The following USP34 variants were observed in gnomAD, a reference collection of about 807,000 sequenced individuals.
USP34 encodes the protein ubiquitin carboxyl-terminal hydrolase 34.
A neutral mutation model predicts 460.3 loss-of-function variants in USP34; 70 were observed. The ratio of observed to expected loss-of-function variants is 0.15; its 90% CI spans 0.13 to 0.19. The LOEUF (loss-of-function observed/expected upper bound fraction) is 0.19, where lower values mean the gene tolerates loss of function less well. USP34 is among the 10% of genes least tolerant of loss of function. USP34 has a pLI of 1.00. For synonymous variants in USP34, 1,647 were observed against 1,405.3 expected, an observed-to-expected ratio of 1.17 and a Z score of -3.85; for missense variants, 3,985 against 4,236.2, an observed-to-expected ratio of 0.94 and a Z score of 1.65.
chr2:61,222,107 C>A (rs1480868204), intron 65 of USP34, among the ~76,000 whole-genome samples: 3 of 152,082 alleles, frequency 2.0e-5, no homozygotes, highest in African/African-American at 7.2e-5. Flanking sequence ...TGTCCCCAAC[C>A]CCAAAAATAA....
intron 69 of USP34, among the ~76,000 whole-genome samples, chr2:61,210,392 T>C (rs1687240630): frequency 6.6e-6 from 1 of 152,222 alleles, no homozygotes; most frequent in Non-Finnish European, 1.5e-5. Flanking sequence ...GCCTACAGTA[T>C]TCAGTGTAGT....
At chr2:61,223,417 TG>T in intron 62 of USP34, 121 bp from the exon 63 acceptor site, 1 of 1,018,714 alleles carries the variant, frequency 9.8e-7, no homozygotes, top group South Asian at 1.7e-5. Context: ...CATCATAAAA[TG>T]ATTTTTTGCT....
At chr2:61,190,708 ACT>A (rs1217058807) in intron 76 of USP34, 50 bp from the exon 77 acceptor site, 1 of 1,558,200 alleles carries the variant, frequency 6.4e-7, no homozygotes, top group Non-Finnish European at 8.6e-7. Context: ...CACGGAAAAA[ACT>A]TACACGGAAA....
intron 1 of USP34, among the ~76,000 whole-genome samples, chr2:61,448,233 G>C (rs928115412): frequency 6.6e-6 from 1 of 152,194 alleles, no homozygotes; most frequent in Non-Finnish European, 1.5e-5. Context: ...CAGTACTTTG[G>C]GCGGCCAAGG....
chr2:61,299,383 T>A (rs1690148990), intron 29 of USP34, among the ~76,000 whole-genome samples: 1 of 152,156 alleles, frequency 6.6e-6, no homozygotes, highest in African/African-American at 2.4e-5. Context: ...ATAAGCCCAT[T>A]TAAAGGCATT....
intron 3 of USP34, among the ~76,000 whole-genome samples, chr2:61,404,874 C>T (rs1693822607): frequency 6.6e-6 from 1 of 152,120 alleles, no homozygotes; most frequent in South Asian, 2.1e-4. Context: ...TTACTACATA[C>T]TTAGAAATGC....
In USP34 at chr2:61,406,114, C is replaced by T. The variant is rs764492385; in HGVS notation, c.146G>A (p.Cys49Tyr). The T allele has an allele frequency of 1.3e-6, 2 of 1,594,500 alleles. No individual in the cohort carries two copies. The highest frequency in any genetic ancestry group is 2.2e-5 in the East Asian group (1 of 44,668). ...NSWTQRQCLC[C>Y]FKEYKHLEIF... is the part of the protein sequence containing the mutation. Reference sequence around the variant, plus strand: ...CTCCAAATGCTTATATTCCTTGAAGCAGCATAGACATTGCCTATAAGAGAA... The same window carrying T: ...CTCCAAATGCTTATATTCCTTGAAGTAGCATAGACATTGCCTATAAGAGAA... Residue 49 changes from cysteine to tyrosine, a missense_variant, in exon 3 of 80, where the codon TGC becomes TAC. Transcript: ENST00000398571.
At chr2:61,335,583 C>CA (rs1166020289) in intron 18 of USP34, among the ~76,000 whole-genome samples, 3 of 151,904 alleles carry the variant, frequency 2.0e-5, no homozygotes, top group Non-Finnish European at 4.4e-5. Context: ...CCGGTCTCCA[C>CA]AAAAAAATAC....
At chr2:61,288,960 A>C in intron 33 of USP34, 83 bp from the exon 34 acceptor site, 1 of 1,390,334 alleles carries the variant, frequency 7.2e-7, no homozygotes, top group Non-Finnish European at 9.9e-7. Flanking sequence ...AAAAGACCAG[A>C]AAATAAAAAT....
At chr2:61,293,668 C>A in intron 32 of USP34, 118 bp from the exon 33 acceptor site, 1 of 654,148 alleles carries the variant, frequency 1.5e-6, no homozygotes, top group Non-Finnish European at 2.5e-6. Context: ...CACTACTATT[C>A]ATTTAAATTA....
chr2:61,270,539 G>T (rs1236686252), intron 41 of USP34, among the ~76,000 whole-genome samples: 1 of 152,196 alleles, frequency 6.6e-6, no homozygotes, highest in Non-Finnish European at 1.5e-5. Context: ...TGGTTCAAGG[G>T]ATTCTCGTGC....
At chr2:61,441,802 C>CAAAAAAAAAAAAAA (rs70963429) in intron 1 of USP34, among the ~76,000 whole-genome samples, 5 of 97,334 alleles carry the variant, frequency 5.1e-5, no homozygotes, top group African/African-American at 1.6e-4. Flanking sequence ...GACTGCATTA[C>CAAAAAAAAAAAAAA]AAAAAAAAAA....
chr2:61,319,377 T>A (rs1690844420), intron 21 of USP34, 50 bp from the exon 22 acceptor site: 2 of 1,368,878 alleles, frequency 1.5e-6, no homozygotes, highest in Non-Finnish European at 1.9e-6. Context: ...TACAAAAAAA[T>A]TAAACTTCTC....
At chr2:61,338,104 C>G (rs943161066) in intron 18 of USP34, among the ~76,000 whole-genome samples, 1 of 152,124 alleles carries the variant, frequency 6.6e-6, no homozygotes, top group African/African-American at 2.4e-5. Context: ...GGAGGATCAC[C>G]TGAGGTGAGG....
intron 58 of USP34, among the ~76,000 whole-genome samples, chr2:61,230,539 C>G (rs1193034578): frequency 6.6e-6 from 1 of 151,802 alleles, no homozygotes; most frequent in Non-Finnish European, 1.5e-5. Flanking sequence ...CAACACCAAC[C>G]AACCAACCAA....
chr2:61,429,845 T>C (rs1418294349), intron 1 of USP34, among the ~76,000 whole-genome samples: 1 of 149,408 alleles, frequency 6.7e-6, no homozygotes, highest in Admixed American at 6.7e-5. Context: ...GCAGATCACC[T>C]GAGGTCAGGA....
chr2:61,331,556 A>C (rs560778046), intron 19 of USP34, among the ~76,000 whole-genome samples, 185 bp from the exon 20 acceptor site: 2 of 152,166 alleles, frequency 1.3e-5, no homozygotes, highest in East Asian at 3.9e-4. Flanking sequence ...CTTCATTTTT[A>C]TGAATTTAAA....
intron 44 of USP34, among the ~76,000 whole-genome samples, chr2:61,258,948 T>C (rs1463348707): frequency 6.6e-6 from 1 of 152,108 alleles, no homozygotes; most frequent in Non-Finnish European, 1.5e-5. Flanking sequence ...GAAGTTATTA[T>C]GACAAATAAC....
chr2:61,353,377 G>T (rs1049756636), intron 10 of USP34, among the ~76,000 whole-genome samples: 10 of 150,502 alleles, frequency 6.6e-5, no homozygotes, highest in Middle Eastern at 3.3e-3. Flanking sequence ...TCCACCTGTT[G>T]CACTTCCTAG....
Sources: gnomAD v4.1 joint callset for allele counts (sites outside exome capture counted in the v4.1 genomes callset) on GRCh38, gnomAD v4.1.1 for gene constraint, MANE v1.5 for transcripts, NCBI Gene and HGNC (gene_info 2026-07-23, HGNC 2026-07-21) for gene names.